The following TNN variants were observed in gnomAD, a reference collection of about 807,000 sequenced individuals.
TNN encodes the protein tenascin N, also known as tenascin-N.
A neutral mutation model predicts 134.4 loss-of-function variants in TNN; 122 were observed. The ratio of observed to expected loss-of-function variants is 0.91; its 90% CI spans 0.78 to 1.06. The LOEUF (loss-of-function observed/expected upper bound fraction) is 1.06. TNN is among the 50% of genes least tolerant of loss of function. The probability of loss-of-function intolerance (pLI) is 0.00; values close to 1 mark genes in which losing one functional copy is unlikely to be tolerated. For synonymous variants in TNN, 710 were observed against 670.3 expected, an observed-to-expected ratio of 1.06 and a Z score of -0.91; for missense variants, 1,739 against 1,699.4, an observed-to-expected ratio of 1.02 and a Z score of -0.41.
chr1:175,096,533 A>G (rs950583883), intron 7 of TNN, among the ~76,000 whole-genome samples: 2 of 152,208 alleles, frequency 1.3e-5, no homozygotes, highest in African/African-American at 4.8e-5. Context: ...TGCTGTCACA[A>G]AAAGTACAGC....
At chr1:175,085,598 G>A (rs1674306225) in intron 6 of TNN, 104 bp downstream of exon 6, 3 of 850,798 alleles carry the variant, frequency 3.5e-6, no homozygotes, top group Non-Finnish European at 3.9e-6. Flanking sequence ...TTTGCAGACA[G>A]ACGGGGTGGC....
chr1:175,128,558 C>T (rs777414840), intron 14 of TNN, 37 bp from the exon 15 acceptor site: 17 of 1,573,416 alleles, frequency 1.1e-5, no homozygotes, highest in Non-Finnish European at 7.8e-6. Context: ...TCCTCCTTGC[C>T]CTTGTCCTAA....
In TNN at chr1:175,128,686, C is replaced by A; in HGVS notation, c.3270C>A (p.Gly1090=). 1.9e-6 allele frequency: 3 copies of A among 1,613,930 alleles called. No individual in the cohort carries two copies. The highest frequency in any genetic ancestry group is 2.5e-6 in the Non-Finnish European group (3 of 1,179,942). ...ASGLYTIYLH[G]DASRPLQVYC... ...GTCTGTACACCATCTACCTGCATGG[C>A]GATGCCAGCCGGCCCCTGCAGGTGT... The change falls in exon 15 of 19, where the codon GGC becomes GGA. Residue 1090 remains glycine (G), a synonymous_variant. Coordinates refer to ENST00000239462, the MANE Select transcript of TNN (RefSeq NM_022093.2).
rs1032145767 is a variant in TNN at position 175,144,586 on chromosome 1, T to G, written c.3759+36T>G. ...GGTGAATGTCTTTTCTGTCCCAGGG[T>G]ATGTCCATATTCAGCTTCCAAATGG... On this transcript the variant is annotated intron_variant, in intron 18 of 18. Coordinates refer to ENST00000239462, the MANE Select transcript of TNN (RefSeq NM_022093.2). 4 of 1,604,996 alleles carry G rather than the reference T, an allele frequency of 2.5e-6. No individual in the cohort carries two copies. In the African/African-American group the frequency reaches 4.0e-5, roughly 16 times the overall value.
intron 16 of TNN, 77 bp from the exon 17 acceptor site, chr1:175,136,744 G>A (rs2072037): frequency 0.76 from 1,067,191 of 1,410,148 alleles, 406,789 homozygotes; most frequent in Admixed American, 0.78. Flanking sequence ...GGTTCTGAAA[G>A]CCTCAGACAC....
chr1:175,070,160 C>T (rs945291672), intron 1 of TNN, among the ~76,000 whole-genome samples: 3 of 152,182 alleles, frequency 2.0e-5, no homozygotes, highest in African/African-American at 7.2e-5. Context: ...GAAAGTGATT[C>T]ATTCTCTGGG....
intron 15 of TNN, among the ~76,000 whole-genome samples, chr1:175,135,436 A>G (rs923617619): frequency 3.9e-5 from 6 of 152,176 alleles, no homozygotes; most frequent in African/African-American, 1.4e-4. Context: ...CCCTCAAACT[A>G]TTTCAGAAAA....
At chr1:175,082,357 G>A (rs1162657790) in intron 4 of TNN, among the ~76,000 whole-genome samples, 2 of 152,264 alleles carry the variant, frequency 1.3e-5, no homozygotes, top group African/African-American at 4.8e-5. Flanking sequence ...TGCTCCTCAG[G>A]GGAGCCTAAG....
At position 175,123,604 on chromosome 1, in the gene TNN, A is replaced by G. The variant is rs1333712107; in HGVS notation, c.2855A>G (p.His952Arg). ...AGACCAGGCATGGAGTACATGGTGC[A>G]CGTGTGGGCCCAGAAGGGGGCCCAG... ...GLRPGMEYMV[H>R]VWAQKGAQES... The change falls in exon 12 of 19, where the codon CAC becomes CGC. Residue 952 changes from histidine to arginine, a missense_variant. Physicochemically the swap from His to Arg is conservative, Grantham distance 29 (BLOSUM62 0). Coordinates refer to ENST00000239462, the MANE Select transcript of TNN (RefSeq NM_022093.2). 1 of 1,614,084 alleles carries G rather than the reference A, an allele frequency of 6.2e-7. No individual in the cohort carries two copies. The highest frequency in any genetic ancestry group is 1.3e-5 in the African/African-American group (1 of 74,928).
Position 175,094,135 on chromosome 1 carries a change from C to G in TNN, c.1470C>G (p.His490Gln). ...ADGDTKEMAV[H>Q]KDESSTVLTG... is the part of the protein sequence containing the mutation. Reference sequence around the variant, plus strand: ...GGGACACCAAGGAAATGGCAGTGCACAAGGATGAGAGCAGCACTGTCCTGA... The same window carrying G: ...GGGACACCAAGGAAATGGCAGTGCAGAAGGATGAGAGCAGCACTGTCCTGA... The change falls in exon 7 of 19, where the codon CAC becomes CAG. Residue 490 changes from histidine to glutamine, a missense_variant. Coordinates refer to ENST00000239462, the MANE Select transcript of TNN (RefSeq NM_022093.2). 1 of 1,614,132 alleles carries G rather than the reference C, an allele frequency of 6.2e-7. No individual in the cohort carries two copies. The highest frequency in any genetic ancestry group is 1.1e-5 in the South Asian group (1 of 91,082).
chr1:175,093,945 C>T, intron 6 of TNN, 45 bp from the exon 7 acceptor site: 1 of 1,563,274 alleles, frequency 6.4e-7, no homozygotes, highest in Non-Finnish European at 8.7e-7. Flanking sequence ...TCTTGACTAA[C>T]CAACTGGTTT....
intron 9 of TNN, among the ~76,000 whole-genome samples, chr1:175,114,545 G>A (rs1276228499): frequency 6.6e-6 from 1 of 152,172 alleles, no homozygotes; most frequent in African/African-American, 2.4e-5. Context: ...AGCAACTGTG[G>A]GGCAAGGTCT....
Position 175,094,204 on chromosome 1 carries a change from T to C in TNN, c.1539T>C (p.Ala513=), listed in dbSNP as rs767259619. 1 of 1,612,688 alleles carries C rather than the reference T, an allele frequency of 6.2e-7. No homozygotes were observed. Among genetic ancestry groups the C allele is most frequent in the Admixed American group, 1.7e-5 (1 of 59,920 alleles). ...PGEAYKVYVW[A]ERGNQGSKKA... is the part of the protein sequence containing the mutation. ...AGGCATACAAGGTCTACGTGTGGGCTGAAAGGGGCAACCAGGGGAGCAAGA... is the reference window on the plus strand; with the variant it reads ...AGGCATACAAGGTCTACGTGTGGGCCGAAAGGGGCAACCAGGGGAGCAAGA... Residue 513 remains alanine (A), a synonymous_variant, in exon 7 of 19, where the codon GCT becomes GCC. Coordinates refer to ENST00000239462, the MANE Select transcript of TNN (RefSeq NM_022093.2).
intron 9 of TNN, among the ~76,000 whole-genome samples, chr1:175,111,778 AT>A (rs202241032): frequency 0.24 from 35,153 of 148,162 alleles, 4,365 homozygotes; most frequent in African/African-American, 0.32. Flanking sequence ...TGCTTCCTTG[AT>A]TTTTTTTTTT....
chr1:175,132,441 A>G (rs1003918420), intron 15 of TNN, among the ~76,000 whole-genome samples: 1 of 152,224 alleles, frequency 6.6e-6, no homozygotes, highest in Non-Finnish European at 1.5e-5. Flanking sequence ...ATGAGTGAAG[A>G]AAAGTGAGGG....
chr1:175,146,694 T>G (rs1445519476), intron 18 of TNN, among the ~76,000 whole-genome samples: 1 of 151,748 alleles, frequency 6.6e-6, no homozygotes, highest in African/African-American at 2.4e-5. Flanking sequence ...ACCGCCAGCT[T>G]CCAAATCGTC....
rs1220218833 is a variant in TNN at position 175,079,603 on chromosome 1, A to G, written c.680A>G (p.Asp227Gly). ...CQCHEDFMSEDCSEKRCPGDC... is the reference protein window; with the variant it reads ...CQCHEDFMSEGCSEKRCPGDC... ...TGCCACGAAGACTTCATGTCGGAGG[A>G]CTGCAGCGAGAAGCGCTGTCCCGGC... The change falls in exon 3 of 19, where the codon GAC (aspartate) becomes GGC (glycine). Residue 227 changes from aspartate (D) to glycine (G), a missense_variant. Coordinates refer to ENST00000239462, the MANE Select transcript of TNN (RefSeq NM_022093.2). 1 of 1,597,012 alleles carries G rather than the reference A, an allele frequency of 6.3e-7. No homozygotes were observed. The highest frequency in any genetic ancestry group is 8.5e-7 in the Non-Finnish European group (1 of 1,173,230).
chr1:175,102,698 G>A (rs916306356), intron 9 of TNN, among the ~76,000 whole-genome samples: 6 of 146,018 alleles, frequency 4.1e-5, no homozygotes, highest in East Asian at 2.3e-4. Flanking sequence ...ACACCTCCCC[G>A]CAAGCTGAGG....
intron 6 of TNN, among the ~76,000 whole-genome samples, chr1:175,093,707 T>C (rs1330151732): frequency 3.3e-5 from 5 of 152,180 alleles, no homozygotes; most frequent in African/African-American, 1.2e-4. Context: ...CTACCTAGGG[T>C]AGACAATTAG....
Sources: allele counts gnomAD v4.1 joint callset (sites outside exome capture counted in the v4.1 genomes callset), GRCh38; gene constraint gnomAD v4.1.1; transcripts MANE v1.5; gene names NCBI Gene and HGNC (gene_info 2026-07-23, HGNC 2026-07-21).